PPP1R21: variants seen among roughly 807,000 people sequenced by gnomAD.
PPP1R21 encodes KLRAQ motif containing 1.
In PPP1R21, 85 loss-of-function variants were observed where a neutral mutation model predicts 112.8. That is an observed-to-expected ratio of 0.75 (90% CI 0.63 to 0.90). The LOEUF (loss-of-function observed/expected upper bound fraction) is 0.90. Ranked by LOEUF, PPP1R21 falls within the 40% of genes least tolerant of loss-of-function variation. PPP1R21 has a pLI of 0.00. For missense variants in PPP1R21, 1,199 were observed against 901.5 expected (o/e 1.33, Z -4.23); for synonymous variants, 381 against 322.3 (o/e 1.18, Z -1.95).
chr2:48,499,539 T>C (rs758633274), intron 17 of PPP1R21, among the ~76,000 whole-genome samples: 48 of 152,180 alleles, frequency 3.2e-4, no homozygotes, highest in Non-Finnish European at 6.2e-4. Context: ...CTGGGCAGCA[T>C]AGTGAGACCC....
At chr2:48,499,066 C>G (rs753859340) in intron 17 of PPP1R21, among the ~76,000 whole-genome samples, 39 of 151,356 alleles carry the variant, frequency 2.6e-4, no homozygotes, top group Non-Finnish European at 5.3e-4. Flanking sequence ...TAGGTTATTT[C>G]CCAAAAGCCC....
At chr2:48,444,189 A>G (rs141196848) in intron 1 of PPP1R21, among the ~76,000 whole-genome samples, 8 of 152,356 alleles carry the variant, frequency 5.3e-5, no homozygotes, top group African/African-American at 1.9e-4. Context: ...TGGAAAGGTT[A>G]GTAAAAATGG....
intron 12 of PPP1R21, among the ~76,000 whole-genome samples, chr2:48,478,899 G>A (rs142792253): frequency 3.9e-5 from 6 of 152,330 alleles, no homozygotes; most frequent in Non-Finnish European, 8.8e-5. Flanking sequence ...AAGAGCTCTT[G>A]TTTTAAGGCT....
At chr2:48,485,678 C>T (rs1326826969) in intron 13 of PPP1R21, among the ~76,000 whole-genome samples, 4 of 151,532 alleles carry the variant, frequency 2.6e-5, no homozygotes, top group African/African-American at 9.7e-5. Flanking sequence ...GTTAAAACAT[C>T]ATGATCACTT....
intron 4 of PPP1R21, among the ~76,000 whole-genome samples, chr2:48,459,513 T>C (rs957263663): frequency 1.3e-5 from 2 of 152,200 alleles, no homozygotes; most frequent in African/African-American, 4.8e-5. Context: ...ATATTTTAGC[T>C]GTGAGACATT....
At chr2:48,458,051 T>C (rs761223527) in intron 3 of PPP1R21, 75 bp from the exon 4 acceptor site, 2 of 944,488 alleles carry the variant, frequency 2.1e-6, no homozygotes, top group South Asian at 2.6e-5. Flanking sequence ...TCTAAGATGA[T>C]AGAGAATCTG....
chr2:48,481,037 G>A (rs1236192679), intron 13 of PPP1R21, among the ~76,000 whole-genome samples: 2 of 152,170 alleles, frequency 1.3e-5, no homozygotes, highest in African/African-American at 2.4e-5. Flanking sequence ...TGCCCAGGCT[G>A]GAGTGCAGTG....
intron 12 of PPP1R21, among the ~76,000 whole-genome samples, chr2:48,475,236 C>G (rs1668698819): frequency 1.3e-5 from 2 of 152,036 alleles, no homozygotes; most frequent in Admixed American, 1.3e-4. Flanking sequence ...CCCTGTAGTC[C>G]CAGCTACTCT....
At chr2:48,456,252 C>CTT (rs778594245) in intron 3 of PPP1R21, among the ~76,000 whole-genome samples, 8,950 of 130,280 alleles carry the variant, frequency 0.069, 388 homozygotes, top group Admixed American at 0.17. Flanking sequence ...GATTGCTGCT[C>CTT]TTTTTTTTTT....
intron 5 of PPP1R21, 37 bp downstream of exon 5, chr2:48,459,955 A>C: frequency 6.2e-7 from 1 of 1,601,330 alleles, no homozygotes; most frequent in Non-Finnish European, 8.5e-7. Flanking sequence ...AAAAATAGTT[A>C]CAGCTTTTGT....
intron 14 of PPP1R21, among the ~76,000 whole-genome samples, chr2:48,488,451 C>T (rs1669410918): frequency 6.6e-6 from 1 of 151,454 alleles, no homozygotes; most frequent in African/African-American, 2.4e-5. Flanking sequence ...ACTGCAAGCT[C>T]CACCTCCCAG....
In PPP1R21 at chr2:48,492,782, A is replaced by G. The variant is rs547748764; in HGVS notation, c.1599+1612A>G. ...TGGTTCAAAGTCTGTGAGTGTTTCAAATTTTGGCATGTTTTTCCAGACTAT... is the reference window on the plus strand; with the variant it reads ...TGGTTCAAAGTCTGTGAGTGTTTCAGATTTTGGCATGTTTTTCCAGACTAT... On this transcript the variant is annotated intron_variant, in intron 15 of 21. Coordinates refer to ENST00000294952, the MANE Select transcript of PPP1R21 (RefSeq NM_001135629.3). 2.0e-5 allele frequency among the ~76,000 whole-genome samples: 3 copies of G among 152,254 alleles called. No homozygotes were observed. The South Asian group carries it at 6.2e-4, about 32-fold the overall frequency.
At chr2:48,441,533 G>C (rs948123007) in intron 1 of PPP1R21, 2 of 178,708 alleles carry the variant, frequency 1.1e-5, no homozygotes, top group African/African-American at 4.8e-5. Flanking sequence ...TGTATTCACT[G>C]CTTTGGCAAG....
intron 1 of PPP1R21, among the ~76,000 whole-genome samples, chr2:48,443,184 T>A (rs772433150): frequency 1.3e-5 from 2 of 152,154 alleles, no homozygotes; most frequent in Non-Finnish European, 2.9e-5. Flanking sequence ...TGTGTCTCAT[T>A]CATTTTGGGA....
intron 12 of PPP1R21, among the ~76,000 whole-genome samples, chr2:48,475,700 A>T (rs1301138493): frequency 6.6e-6 from 1 of 151,958 alleles, no homozygotes; most frequent in Non-Finnish European, 1.5e-5. Flanking sequence ...ATACAAAATC[A>T]GCTGGGTGTG....
intron 13 of PPP1R21, among the ~76,000 whole-genome samples, chr2:48,481,153 T>TA (rs752310719): frequency 4.6e-5 from 7 of 152,160 alleles, no homozygotes; most frequent in African/African-American, 9.7e-5. Flanking sequence ...CATGCCTGGC[T>TA]AATTTTTGTA....
intron 16 of PPP1R21, among the ~76,000 whole-genome samples, 189 bp downstream of exon 16, chr2:48,495,960 A>C (rs910945453): frequency 6.6e-6 from 1 of 152,256 alleles, no homozygotes; most frequent in Non-Finnish European, 1.5e-5. Flanking sequence ...ACTCTAAGTC[A>C]TCTTGATTCA....
At chr2:48,500,188 C>G (rs569056532) in intron 17 of PPP1R21, among the ~76,000 whole-genome samples, 1 of 152,004 alleles carries the variant, frequency 6.6e-6, no homozygotes, top group African/African-American at 2.4e-5. Flanking sequence ...GTGAATTTTC[C>G]TAGGTATGGT....
At position 48,469,504 on chromosome 2, in the gene PPP1R21, T is replaced by TAGAGAG. The variant is rs1442057462; in HGVS notation, c.898-1579_898-1578insAGAGAG. ...TATATAGAGCATATATATATATATA[T>TAGAGAG]AGAGCATATATATATATATATATAT... On this transcript the variant is annotated intron_variant, in intron 9 of 21. Transcript: ENST00000294952. 1.5e-3 allele frequency among the ~76,000 whole-genome samples: 63 copies of TAGAGAG among 40,830 alleles called. 6 individuals carry two copies. The East Asian group carries it at 0.017, about 11-fold the overall frequency. 26.8% of individuals were successfully genotyped at this position (40,830 alleles called of 152,430 possible). A position where few individuals can be genotyped will look rare whatever the true frequency, so the allele number is the denominator to read the frequency against.
Sources: gnomAD v4.1 joint callset for allele counts (sites outside exome capture counted in the v4.1 genomes callset) on GRCh38, gnomAD v4.1.1 for gene constraint, MANE v1.5 for transcripts, NCBI Gene and HGNC (gene_info 2026-07-23, HGNC 2026-07-21) for gene names.